Variants in DNAH6 observed in about 807,000 individuals in gnomAD.
The protein encoded by DNAH6 is axonemal beta dynein heavy chain 6.
DNAH6 carries 340 observed loss-of-function variants against 491.4 expected under a neutral mutation model. The observed-to-expected ratio is 0.69, with a 90% CI of 0.63 to 0.76. DNAH6 has a LOEUF of 0.76. DNAH6 is among the 30% of genes least tolerant of loss of function. The pLI is 0.00. For missense variants in DNAH6, 4,443 were observed against 4,972.2 expected (o/e 0.89, Z 3.20); for synonymous variants, 1,603 against 1,686.1 (o/e 0.95, Z 1.21).
chr2:84,745,341 A>G, intron 63 of DNAH6, 92 bp downstream of exon 63: 1 of 1,032,548 alleles, frequency 9.7e-7, no homozygotes. Flanking sequence ...TTTGAGAGTA[A>G]CAATGGCCAA....
At chr2:84,676,941 T>C in intron 40 of DNAH6, 64 bp from the exon 41 acceptor site, 1 of 1,523,302 alleles carries the variant, frequency 6.6e-7, no homozygotes, top group Non-Finnish European at 8.9e-7. Flanking sequence ...AGTCCTACCA[T>C]TAGGATAGGC....
intron 63 of DNAH6, chr2:84,750,861 T>C (rs1353986377): frequency 6.6e-6 from 1 of 152,302 alleles, no homozygotes; most frequent in Non-Finnish European, 1.5e-5. Flanking sequence ...AAAATTCTTA[T>C]CAATGCCTTC....
chr2:84,769,839 A>G (rs1193379027), intron 64 of DNAH6, among the ~76,000 whole-genome samples: 1 of 152,210 alleles, frequency 6.6e-6, no homozygotes, highest in East Asian at 1.9e-4. Flanking sequence ...ATGCTTTGGG[A>G]AACAAAAGCT....
intron 63 of DNAH6, among the ~76,000 whole-genome samples, chr2:84,761,415 A>G (rs1018405220): frequency 6.6e-6 from 1 of 152,130 alleles, no homozygotes; most frequent in Non-Finnish European, 1.5e-5. Context: ...AAAAGCTGTG[A>G]CTCAACCACT....
intron 51 of DNAH6, 26 bp from the exon 52 acceptor site, chr2:84,705,460 A>C: frequency 6.6e-7 from 1 of 1,513,284 alleles, no homozygotes. Flanking sequence ...TTTCAGTGCC[A>C]TTAATATATC....
chr2:84,688,215 G>T (rs928739460), intron 44 of DNAH6, among the ~76,000 whole-genome samples: 4 of 149,508 alleles, frequency 2.7e-5, no homozygotes, highest in Non-Finnish European at 5.9e-5. Context: ...ACCCAGCCTG[G>T]GCAACAGAGA....
At position 84,704,315 on chromosome 2, in the gene DNAH6, G is replaced by C. The variant is rs1696224679; in HGVS notation, c.8465+13G>C. ...TTTTGAATGCCAAGTGAGTAATTCA[G>C]AGTCATGTATTGCCATGATACCTGG... is the stretch of plus-strand genomic sequence containing the variant. On this transcript the variant is annotated intron_variant, in intron 51 of 76. Transcript: ENST00000389394. 6.5e-7 allele frequency: 1 copy of C among 1,528,548 alleles called. No individual in the cohort carries two copies. Among genetic ancestry groups the C allele is most frequent in the Non-Finnish European group, 8.9e-7 (1 of 1,126,272 alleles). The allele number at this position is 1,528,548 out of a possible 1,614,324, so 94.7% of individuals were successfully genotyped here. A position where few individuals can be genotyped will look rare whatever the true frequency, so the allele number is the denominator to read the frequency against.
At chr2:84,472,911 G>A in the DNAH6 span, among the ~76,000 whole-genome samples, 1 of 152,158 alleles carries the variant, frequency 6.6e-6, no homozygotes, top group Non-Finnish European at 1.5e-5. Flanking sequence ...TTAATATTTT[G>A]TGTGGCTTGC....
the DNAH6 span, among the ~76,000 whole-genome samples, chr2:84,469,271 G>A: frequency 1.3e-5 from 2 of 152,256 alleles, no homozygotes; most frequent in East Asian, 3.9e-4. This position sits in a 1 kb window ranked among gnomAD's most constrained non-coding sequence, Gnocchi z 4.0. Context: ...CTTTCCCTGA[G>A]TGGCCCTAGT....
At chr2:84,504,292 A>G in the DNAH6 span, among the ~76,000 whole-genome samples, 2 of 152,088 alleles carry the variant, frequency 1.3e-5, no homozygotes, top group East Asian at 3.9e-4. Context: ...TGTATCTGAT[A>G]GAATTCTGAA....
At chr2:84,502,880 G>A in the DNAH6 span, among the ~76,000 whole-genome samples, 7 of 151,996 alleles carry the variant, frequency 4.6e-5, no homozygotes, top group Non-Finnish European at 8.8e-5. Context: ...TCATCTATGT[G>A]TGTCTTTACA....
the DNAH6 span, among the ~76,000 whole-genome samples, chr2:84,480,728 C>T: frequency 5.9e-4 from 90 of 152,250 alleles, no homozygotes; most frequent in East Asian, 0.016. Context: ...TTTGGGAGGC[C>T]AAGGCGGGTG....
chr2:84,682,311 T>TC (rs1693861420), intron 42 of DNAH6, among the ~76,000 whole-genome samples: 1 of 152,180 alleles, frequency 6.6e-6, no homozygotes, highest in Non-Finnish European at 1.5e-5. Context: ...TCTCCTGGGG[T>TC]CCCCCCTCAC....
Position 84,713,188 on chromosome 2 carries a change from G to A in DNAH6, c.9472G>A (p.Asp3158Asn), listed in dbSNP as rs752799507. The A allele has an allele frequency of 7.1e-6, 11 of 1,551,834 alleles. No homozygotes were observed. The highest frequency in any genetic ancestry group is 9.6e-6 in the Non-Finnish European group (11 of 1,147,056). ...ACTACTCATCCGTCTTGGAGACTCA[G>A]ACATTGATTATGACAAAAACTTTAG... ...GRLLIRLGDS[D>N]IDYDKNFRFY... Residue 3158 changes from aspartate to asparagine, a missense_variant, in exon 57 of 77, where the codon GAC becomes AAC. Asp to Asn is a conservative substitution (Grantham distance 23, BLOSUM62 1). Transcript: ENST00000389394.
At chr2:84,590,253 T>C (rs1683978419) in intron 16 of DNAH6, among the ~76,000 whole-genome samples, 1 of 151,988 alleles carries the variant, frequency 6.6e-6, no homozygotes. Flanking sequence ...CCCAGCACTT[T>C]GGGAGGCCAA....
chr2:84,568,426 G>T (rs1483368814), intron 11 of DNAH6, among the ~76,000 whole-genome samples: 1 of 152,172 alleles, frequency 6.6e-6, no homozygotes, highest in African/African-American at 2.4e-5. Context: ...GCAGTGACAT[G>T]ATGGAGCTGG....
the DNAH6 span, among the ~76,000 whole-genome samples, chr2:84,469,989 T>C: frequency 6.6e-6 from 1 of 152,090 alleles, no homozygotes. The surrounding 1 kb of genome is among the most constrained non-coding windows in gnomAD (Gnocchi z 4.0). Context: ...TAACCCACTC[T>C]GTCTTAAGGA....
intron 11 of DNAH6, among the ~76,000 whole-genome samples, chr2:84,568,091 G>A (rs1365932010): frequency 1.3e-5 from 2 of 152,184 alleles, no homozygotes; most frequent in Non-Finnish European, 2.9e-5. Flanking sequence ...AGATGATGGT[G>A]AGGCTGTGGA....
At chr2:84,630,185 GGAT>G (rs1161887881) in intron 29 of DNAH6, among the ~76,000 whole-genome samples, 1 of 151,900 alleles carries the variant, frequency 6.6e-6, no homozygotes, top group Non-Finnish European at 1.5e-5. Context: ...AATGCAGAAG[GGAT>G]GATAACATTA....
Sources: allele counts gnomAD v4.1 joint callset (sites outside exome capture counted in the v4.1 genomes callset), GRCh38; gene constraint gnomAD v4.1.1; non-coding constraint Gnocchi (gnomAD v3.1); transcripts MANE v1.5; gene names NCBI Gene and HGNC (gene_info 2026-07-23, HGNC 2026-07-21).